Variants in PRKG1 observed in about 807,000 individuals in gnomAD.
The protein encoded by PRKG1 is cGMP-dependent protein kinase 1.
A neutral mutation model predicts 88.1 loss-of-function variants in PRKG1; 35 were observed. The ratio of observed to expected loss-of-function variants is 0.40; its 90% CI spans 0.30 to 0.53. The LOEUF (loss-of-function observed/expected upper bound fraction) is 0.53. Ranked by LOEUF, PRKG1 falls within the 20% of genes least tolerant of loss-of-function variation. The pLI, the probability that PRKG1 is intolerant of heterozygous loss-of-function variation, is 0.59. For missense variants in PRKG1, 540 were observed against 839.8 expected, an observed-to-expected ratio of 0.64 and a Z score of 4.41; for synonymous variants, 303 against 292.5, an observed-to-expected ratio of 1.04 and a Z score of -0.37.
At chr10:51,548,592 G>T (rs184856272) in intron 3 of PRKG1, among the ~76,000 whole-genome samples, 1 of 152,004 alleles carries the variant, frequency 6.6e-6, no homozygotes, top group Non-Finnish European at 1.5e-5. Context: ...CAGTGTTTTC[G>T]TAACACTCTA....
At chr10:52,023,071 C>T (rs1162571829) in intron 5 of PRKG1, among the ~76,000 whole-genome samples, 1 of 152,110 alleles carries the variant, frequency 6.6e-6, no homozygotes, top group Non-Finnish European at 1.5e-5. Context: ...ACCCTAGCCC[C>T]CCACACCCCG....
intron 4 of PRKG1, among the ~76,000 whole-genome samples, chr10:51,897,337 A>G (rs1841876687): frequency 6.6e-6 from 1 of 152,140 alleles, no homozygotes; most frequent in Non-Finnish European, 1.5e-5. Context: ...CACTAATTTG[A>G]TGCAGAGATG....
At chr10:51,057,645 G>A (rs1241939732) in intron 1 of PRKG1, among the ~76,000 whole-genome samples, 1 of 151,924 alleles carries the variant, frequency 6.6e-6, no homozygotes, top group Admixed American at 6.6e-5. Context: ...ATTTATGTCT[G>A]GTGTATTTTG....
chr10:52,279,096 C>T (rs1467403008), intron 12 of PRKG1, among the ~76,000 whole-genome samples: 1 of 152,024 alleles, frequency 6.6e-6, no homozygotes, highest in African/African-American at 2.4e-5. Context: ...TAAATAATCT[C>T]TTCAAATGAA....
At chr10:51,670,474 C>T (rs1016649656) in intron 3 of PRKG1, among the ~76,000 whole-genome samples, 34 of 151,074 alleles carry the variant, frequency 2.3e-4, no homozygotes, top group Non-Finnish European at 3.5e-4. Context: ...CGGTGGCTCA[C>T]GCCTGTAATC....
rs186974097 is a variant in PRKG1, at chr10:51,468,598, T to C, written c.592+762T>C. Among the ~76,000 whole-genome samples the C allele has an allele frequency of 2.0e-5, 3 of 151,988 alleles. No individual in the cohort carries two copies. In the East Asian group the frequency reaches 5.8e-4, roughly 29 times the overall value. Reference sequence around the variant, plus strand: ...GAGCTGAATTCAAAAGTCAACAATGTAAGGTTCATTGCATCTTTAGGCAAA... The same window carrying C: ...GAGCTGAATTCAAAAGTCAACAATGCAAGGTTCATTGCATCTTTAGGCAAA... On this transcript the variant is annotated intron_variant, in intron 3 of 17. Transcript: ENST00000373980.
intron 3 of PRKG1, among the ~76,000 whole-genome samples, chr10:51,772,499 A>T (rs1007723363): frequency 2.2e-4 from 34 of 152,226 alleles, no homozygotes; most frequent in African/African-American, 7.9e-4. Context: ...GATTTTGTAA[A>T]TATATTTATA....
At chr10:51,858,421 A>AAT (rs1247763845) in intron 4 of PRKG1, among the ~76,000 whole-genome samples, 518 of 48,278 alleles carry the variant, frequency 0.011, 38 homozygotes, top group African/African-American at 0.035. Context: ...ATATATATAT[A>AAT]ATATATATAT....
chr10:52,029,907 A>C (rs10762540), intron 5 of PRKG1, among the ~76,000 whole-genome samples: 77,928 of 151,830 alleles, frequency 0.51, 20,375 homozygotes, highest in African/African-American at 0.61. Flanking sequence ...CTTAAACCTG[A>C]CCTTCCTGAT....
At chr10:52,022,841 T>C (rs1354453189) in intron 5 of PRKG1, among the ~76,000 whole-genome samples, 2 of 152,222 alleles carry the variant, frequency 1.3e-5, no homozygotes, top group Admixed American at 6.5e-5. Flanking sequence ...TTTAGGAATA[T>C]GGAAATGTAG....
chr10:52,026,731 C>T (rs1420463458), intron 5 of PRKG1, among the ~76,000 whole-genome samples: 2 of 152,198 alleles, frequency 1.3e-5, no homozygotes, highest in African/African-American at 4.8e-5. Context: ...AATCCCAACA[C>T]TTTGGGAGGC....
chr10:51,571,046 A>C (rs888180028), intron 3 of PRKG1, among the ~76,000 whole-genome samples: 5 of 151,962 alleles, frequency 3.3e-5, no homozygotes, highest in Non-Finnish European at 7.4e-5. Flanking sequence ...CCAGAGTTTG[A>C]ATCTTGCTTC....
chr10:52,276,220 C>T (rs11001421), intron 12 of PRKG1, among the ~76,000 whole-genome samples: 12 of 152,134 alleles, frequency 7.9e-5, no homozygotes, highest in Non-Finnish European at 1.2e-4. Flanking sequence ...TCCAGTACTG[C>T]GTTGAAGAGG....
At position 51,627,996 on chromosome 10, in the gene PRKG1, C is replaced by CAT. The variant is rs1839400527; in HGVS notation, c.592+160160_592+160161insAT. On this transcript the variant is annotated intron_variant, in intron 3 of 17. Transcript: ENST00000373980. The stretch of plus-strand genomic sequence containing the variant: ...TCTTTCTTTCTTTCTTTCTTTCTCT[C>CAT]TCTCTCTCTCTCTCTTTCTTTCTTT... Among the ~76,000 whole-genome samples the CAT allele has an allele frequency of 5.0e-5, 2 of 39,742 alleles. 1 individual carries two copies. Among genetic ancestry groups the CAT allele is most frequent in the African/African-American group, 1.4e-4 (2 of 14,318 alleles). 26.1% of individuals were successfully genotyped at this position (39,742 alleles called of 152,430 possible). A position where few individuals can be genotyped will look rare whatever the true frequency, so the allele number is the denominator to read the frequency against.
At chr10:52,113,137 A>G (rs1026546982) in intron 7 of PRKG1, among the ~76,000 whole-genome samples, 43 of 152,228 alleles carry the variant, frequency 2.8e-4, no homozygotes, top group African/African-American at 1.0e-3. Flanking sequence ...AAGACCTATT[A>G]CAGAAATTGG....
rs1433048297 is a variant in PRKG1 at position 51,205,127 on chromosome 10, C to CTTTCTTTTTTTTTTTTTTTTTTTTTTTT, written c.478+51800_478+51801insCTTTTTTTTTTTTTTTTTTTTTTTTTTT. Among the ~76,000 whole-genome samples, 139 of 64,016 alleles carry CTTTCTTTTTTTTTTTTTTTTTTTTTTTT rather than the reference C, an allele frequency of 2.2e-3. 29 individuals carry two copies. Among genetic ancestry groups the CTTTCTTTTTTTTTTTTTTTTTTTTTTTT allele is most frequent in the Non-Finnish European group, 2.6e-3 (87 of 33,242 alleles). 42.0% of individuals were successfully genotyped at this position (64,016 alleles called of 152,430 possible). ...TAAGGAAGAATTTTCATTTTCTTTTCTTTTTTTTTTTTTTTTTTTTTTTTT... is the reference window on the plus strand; with the variant it reads ...TAAGGAAGAATTTTCATTTTCTTTTCTTTCTTTTTTTTTTTTTTTTTTTTTTTTTTTTTTTTTTTTTTTTTTTTTTTTT... On this transcript the variant is annotated intron_variant, in intron 2 of 17. Transcript: ENST00000373980.
chr10:51,643,343 A>G (rs1255169840), intron 3 of PRKG1, among the ~76,000 whole-genome samples: 1 of 152,128 alleles, frequency 6.6e-6, no homozygotes, highest in Non-Finnish European at 1.5e-5. Context: ...AATGTAGAAA[A>G]CTCAGACATC....
At chr10:51,321,595 G>C (rs370502899) in intron 2 of PRKG1, among the ~76,000 whole-genome samples, 2 of 152,140 alleles carry the variant, frequency 1.3e-5, no homozygotes, top group South Asian at 2.1e-4. Flanking sequence ...ATAGAGAGTA[G>C]AAGAATGGTT....
chr10:51,492,335 T>C (rs964887427), intron 3 of PRKG1, among the ~76,000 whole-genome samples: 5 of 152,136 alleles, frequency 3.3e-5, no homozygotes, highest in African/African-American at 1.2e-4. Flanking sequence ...TTAGAAGAAA[T>C]ATTAATCTTA....
Sources: gnomAD v4.1 joint callset for allele counts (sites outside exome capture counted in the v4.1 genomes callset) on GRCh38, gnomAD v4.1.1 for gene constraint, MANE v1.5 for transcripts, NCBI Gene and HGNC (gene_info 2026-07-23, HGNC 2026-07-21) for gene names.